The following DDC variants were observed in gnomAD, a reference collection of about 807,000 sequenced individuals.
DDC encodes aromatic-L-amino-acid decarboxylase.
DDC carries 43 observed loss-of-function variants against 60.0 expected under a neutral mutation model. That is an observed-to-expected ratio of 0.72 (90% confidence interval 0.56 to 0.92). The LOEUF is 0.92. Ranked by LOEUF, DDC falls within the 40% of genes least tolerant of loss-of-function variation. The pLI, the probability that DDC is intolerant of heterozygous loss-of-function variation, is 0.00. For missense variants in DDC, 573 were observed against 620.2 expected, an observed-to-expected ratio of 0.92 and a Z score of 0.81; for synonymous variants, 232 against 234.6, an observed-to-expected ratio of 0.99 and a Z score of 0.10.
At chr7:50,487,930 A>G (rs2153537647) in intron 9 of DDC, among the ~76,000 whole-genome samples, 1 of 152,268 alleles carries the variant, frequency 6.6e-6, no homozygotes, top group African/African-American at 2.4e-5. Flanking sequence ...CCCAAAAGAG[A>G]ATTATCTTTG....
intron 13 of DDC, among the ~76,000 whole-genome samples, chr7:50,466,331 A>T (rs1013121384): frequency 1.3e-5 from 2 of 151,992 alleles, no homozygotes; most frequent in Non-Finnish European, 1.5e-5. Flanking sequence ...CTAAAAATAC[A>T]AAAATTAGCT....
chr7:50,494,554 G>T (rs2043081568), intron 9 of DDC, among the ~76,000 whole-genome samples: 1 of 150,498 alleles, frequency 6.6e-6, no homozygotes. Context: ...TCGCACCACT[G>T]CACTCCAACC....
At chr7:50,476,462 C>A (rs1256407268) in intron 11 of DDC, among the ~76,000 whole-genome samples, 162 bp downstream of exon 11, 2 of 152,198 alleles carry the variant, frequency 1.3e-5, no homozygotes, top group Non-Finnish European at 2.9e-5. Flanking sequence ...GAGCTGCCCG[C>A]CACCTGGCAG....
intron 14 of DDC, among the ~76,000 whole-genome samples, chr7:50,460,321 C>A (rs1422501642): frequency 6.8e-6 from 1 of 146,218 alleles, no homozygotes. Flanking sequence ...AAGTGAGGAG[C>A]CCCTCTGCCC....
chr7:50,488,879 A>G (rs1008968667), intron 9 of DDC, among the ~76,000 whole-genome samples: 3 of 152,222 alleles, frequency 2.0e-5, no homozygotes, highest in African/African-American at 4.8e-5. Flanking sequence ...GGCCCGAGAT[A>G]GTAACTCTTT....
intron 10 of DDC, among the ~76,000 whole-genome samples, chr7:50,479,008 C>T (rs1029626703): frequency 3.9e-5 from 6 of 152,188 alleles, no homozygotes; most frequent in Non-Finnish European, 7.3e-5. Flanking sequence ...TCCTCACCAG[C>T]GTTGTGACAG....
At chr7:50,480,758 G>A (rs4947576) in intron 9 of DDC, among the ~76,000 whole-genome samples, 3,342 of 152,322 alleles carry the variant, frequency 0.022, 180 homozygotes, top group Admixed American at 0.12. Context: ...CACAGTGACT[G>A]GCCCTGCTGG....
chr7:50,535,557 AG>A (rs1304995984), intron 4 of DDC, among the ~76,000 whole-genome samples: 1 of 152,216 alleles, frequency 6.6e-6, no homozygotes, highest in African/African-American at 2.4e-5. Context: ...GCCTGGCCAC[AG>A]GGCCTGTGGG....
chr7:50,508,272 C>T (rs890410559), intron 6 of DDC, among the ~76,000 whole-genome samples: 2 of 152,228 alleles, frequency 1.3e-5, no homozygotes, highest in Non-Finnish European at 2.9e-5. Flanking sequence ...TACTCCAGCT[C>T]AGCATTGCTC....
At chr7:50,492,552 C>A (rs758694232) in intron 9 of DDC, 17 of 352,226 alleles carry the variant, frequency 4.8e-5, no homozygotes, top group Non-Finnish European at 6.4e-5. Context: ...ATTGCAACCA[C>A]CCTGCCCCAC....
intron 6 of DDC, among the ~76,000 whole-genome samples, chr7:50,511,052 T>TATATATATAC (rs1554425850): frequency 2.2e-5 from 3 of 139,098 alleles, no homozygotes; most frequent in African/African-American, 8.1e-5. Context: ...GATATATCTA[T>TATATATATAC]ACACACACAC....
rs1365487487 is a variant in DDC at position 50,460,273 on chromosome 7, G to A, written c.*19-1430C>T. 4.8e-5 allele frequency among the ~76,000 whole-genome samples: 7 copies of A among 146,504 alleles called. 1 individual carries two copies. The East Asian group carries it at 1.4e-3, about 30-fold the overall frequency. On this transcript the variant is annotated intron_variant, in intron 14 of 14. Transcript: ENST00000444124. ...TGGCCCAGCCTGCCGCCCCGTCCGG[G>A]AGGTGAGGGGCGCCTCTGCCCGGCC...
At chr7:50,523,147 C>G (rs2043946746) in intron 6 of DDC, among the ~76,000 whole-genome samples, 1 of 152,098 alleles carries the variant, frequency 6.6e-6, no homozygotes, top group Non-Finnish European at 1.5e-5. Flanking sequence ...ACACCTTTCA[C>G]AAAAATTAAC....
Position 50,467,299 on chromosome 7 carries a change from T to A in DDC, c.1157A>T (p.His386Leu), listed in dbSNP as rs1162377361. The change falls in exon 13 of 15, where the codon CAT becomes CTT. Residue 386 changes from histidine to leucine, a missense_variant. By Grantham distance (99) the His-to-Leu change is moderately conservative (BLOSUM62 -3). Transcript: ENST00000444124. ...CTGGCGCACCAGTGACTCAAACTCATGGGACAGCTGGACATGCTTCAAAGA... is the reference window on the plus strand; with the variant it reads ...CTGGCGCACCAGTGACTCAAACTCAAGGGACAGCTGGACATGCTTCAAAGA... ...AYIRKHVQLSHEFESLVRQDP... is the reference protein window; with the variant it reads ...AYIRKHVQLSLEFESLVRQDP... 6.2e-7 allele frequency: 1 copy of A among 1,614,158 alleles called. No individual in the cohort carries two copies. The highest frequency in any genetic ancestry group is 1.1e-5 in the South Asian group (1 of 91,084).
At chr7:50,506,612 CAG>C (rs1316077659) in intron 6 of DDC, among the ~76,000 whole-genome samples, 1 of 152,246 alleles carries the variant, frequency 6.6e-6, no homozygotes, top group Non-Finnish European at 1.5e-5. Context: ...AAAGGTGTCA[CAG>C]CATCAGAAGC....
intron 4 of DDC, among the ~76,000 whole-genome samples, chr7:50,535,115 G>A (rs745942044): frequency 1.8e-4 from 27 of 152,078 alleles, no homozygotes; most frequent in African/African-American, 6.3e-4. Context: ...TCACAGCAAC[G>A]TATTGAAGCT....
intron 4 of DDC, among the ~76,000 whole-genome samples, chr7:50,532,874 T>C (rs2044264809): frequency 6.6e-6 from 1 of 152,228 alleles, no homozygotes; most frequent in South Asian, 2.1e-4. Flanking sequence ...TTGGATTTAG[T>C]GGGGAGCATG....
intron 9 of DDC, chr7:50,492,890 C>T (rs911082296): frequency 3.1e-5 from 49 of 1,591,140 alleles, no homozygotes; most frequent in Admixed American, 2.9e-4. Flanking sequence ...GCGGCAGCCT[C>T]GGGGCATCAG....
intron 2 of DDC, among the ~76,000 whole-genome samples, chr7:50,540,730 C>A (rs1216489449): frequency 6.6e-6 from 1 of 152,220 alleles, no homozygotes; most frequent in Non-Finnish European, 1.5e-5. Context: ...AAGGTGAACA[C>A]CTGCCACTCC....
Sources: gnomAD v4.1 joint callset for allele counts (sites outside exome capture counted in the v4.1 genomes callset) on GRCh38, gnomAD v4.1.1 for gene constraint, MANE v1.5 for transcripts, NCBI Gene and HGNC (gene_info 2026-07-23, HGNC 2026-07-21) for gene names.